The following RASGRP3 variants were observed in gnomAD, a reference collection of about 807,000 sequenced individuals.
RASGRP3 encodes RAS guanyl releasing protein 3, also known as ras guanyl-releasing protein 3.
Under a neutral mutation model 82.7 loss-of-function variants are expected in RASGRP3, and 54 were observed. That is an observed-to-expected ratio of 0.65 (90% CI 0.52 to 0.82). The LOEUF is 0.82. Among genes scored for constraint, RASGRP3 ranks in the 40% least tolerant of loss-of-function variants. The pLI is 0.00. For missense variants in RASGRP3, 861 were observed against 828.9 expected (o/e 1.04, Z -0.48); for synonymous variants, 309 against 300.5 (o/e 1.03, Z -0.29).
Position 33,499,763 on chromosome 2 carries a change from CA to C in RASGRP3, c.-260-11936del, listed in dbSNP as rs34878885. ...ACATGCCCCATTAAAATATCAAATCCAAAAAAAAAAAGAGAGGATAAGATTA... is the reference window on the plus strand; with the variant it reads ...ACATGCCCCATTAAAATATCAAATCCAAAAAAAAAAGAGAGGATAAGATTA... On this transcript the variant is annotated intron_variant, in intron 1 of 17. Coordinates refer to ENST00000403687, the MANE Select transcript of RASGRP3 (RefSeq NM_001139488.2). 1.2e-3 allele frequency among the ~76,000 whole-genome samples: 144 copies of C among 123,776 alleles called. 1 individual carries two copies. Among genetic ancestry groups the C allele is most frequent in the South Asian group, 3.0e-3 (12 of 4,026 alleles). The allele number at this position is 123,776 out of a possible 152,430, so 81.2% of individuals were successfully genotyped here.
chr2:33,507,505 T>C (rs143516381), intron 1 of RASGRP3, among the ~76,000 whole-genome samples: 38 of 152,212 alleles, frequency 2.5e-4, no homozygotes, highest in African/African-American at 9.1e-4. Context: ...ATGTAATATT[T>C]TGGATCAAGT....
chr2:33,511,192 G>T (rs949851617), intron 1 of RASGRP3, among the ~76,000 whole-genome samples: 1 of 152,080 alleles, frequency 6.6e-6, no homozygotes, highest in African/African-American at 2.4e-5. Flanking sequence ...TTTCATGGCC[G>T]CCAGAGAGTA....
At chr2:33,482,291 G>C (rs940605753) in intron 1 of RASGRP3, 1 of 152,374 alleles carries the variant, frequency 6.6e-6, no homozygotes, top group African/African-American at 2.4e-5. Context: ...TTGGATTAGA[G>C]GCGTGAGCCA....
chr2:33,516,530 T>C lies in RASGRP3; in HGVS notation c.71-12T>C, dbSNP rs150555166. 2.2e-3 allele frequency: 3,324 copies of C among 1,511,464 alleles called. 4 individuals carry two copies. Among genetic ancestry groups the C allele is most frequent in the Non-Finnish European group, 2.7e-3 (2,918 of 1,099,764 alleles). 93.6% of individuals were successfully genotyped at this position (1,511,464 alleles called of 1,614,324 possible). On this transcript the variant is annotated splice_polypyrimidine_tract_variant and intron_variant, in intron 3 of 17. Coordinates refer to ENST00000403687, the MANE Select transcript of RASGRP3 (RefSeq NM_001139488.2). The stretch of plus-strand genomic sequence containing the variant: ...TATTATCTCCTCACTTCTTGTTTTA[T>C]TTTTCTAACAGATGACAATGGAGAG...
At chr2:33,545,245 TC>T (rs1211314441) in intron 13 of RASGRP3, among the ~76,000 whole-genome samples, 2 of 152,258 alleles carry the variant, frequency 1.3e-5, no homozygotes, top group Non-Finnish European at 2.9e-5. Context: ...TTTGGACTAT[TC>T]ATATCTTGCT....
intron 2 of RASGRP3, among the ~76,000 whole-genome samples, chr2:33,467,169 AG>A (rs1666745394): frequency 6.6e-6 from 1 of 152,134 alleles, no homozygotes; most frequent in African/African-American, 2.4e-5. Context: ...GAGAGATTTC[AG>A]GTACTTTGAT....
In RASGRP3 at chr2:33,519,417, C is replaced by A. The variant is rs568773616; in HGVS notation, c.174-535C>A. Among the ~76,000 whole-genome samples the A allele has an allele frequency of 3.3e-5, 5 of 152,256 alleles. 1 individual carries two copies. The South Asian group carries it at 8.3e-4, about 25-fold the overall frequency. On this transcript the variant is annotated intron_variant, in intron 4 of 17. Transcript: ENST00000403687. ...GGATCACAAGGTCAGGAGATCAAGA[C>A]CATCCTGGCTAACACGGCGAAACCC...
upstream of RASGRP3, among the ~76,000 whole-genome samples, chr2:33,474,232 G>A (rs1418693224): frequency 6.6e-6 from 1 of 152,152 alleles, no homozygotes; most frequent in African/African-American, 2.4e-5. Context: ...CAGTGTTGGA[G>A]GTGGAGCCTG....
intron 1 of RASGRP3, among the ~76,000 whole-genome samples, chr2:33,486,128 A>G (rs1262248416): frequency 6.6e-6 from 1 of 150,642 alleles, no homozygotes; most frequent in South Asian, 2.1e-4. Context: ...TTCACTTGGT[A>G]TTTCTTTTCT....
chr2:33,468,602 A>G (rs1314819871), intron 2 of RASGRP3, among the ~76,000 whole-genome samples: 1 of 152,088 alleles, frequency 6.6e-6, no homozygotes, highest in Non-Finnish European at 1.5e-5. Flanking sequence ...GGGTTTCACC[A>G]TGTGGGCCAG....
At chr2:33,453,867 A>G (rs1210931747) in intron 2 of RASGRP3, among the ~76,000 whole-genome samples, 2 of 152,342 alleles carry the variant, frequency 1.3e-5, no homozygotes, top group East Asian at 3.9e-4. Flanking sequence ...ATGATTTTTG[A>G]AATTACACAC....
intron 11 of RASGRP3, among the ~76,000 whole-genome samples, chr2:33,534,658 A>C (rs548766031): frequency 6.7e-6 from 1 of 149,262 alleles, no homozygotes; most frequent in South Asian, 2.1e-4. Flanking sequence ...CCTCCCAAGT[A>C]GCTAGAATTA....
chr2:33,556,928 C>CACACACATACAT (rs1553366467), intron 15 of RASGRP3, among the ~76,000 whole-genome samples: 17,118 of 148,222 alleles, frequency 0.12, 1,026 homozygotes, highest in Admixed American at 0.14. Flanking sequence ...CACACACACA[C>CACACACATACAT]GCAATTTTAT....
intron 1 of RASGRP3, among the ~76,000 whole-genome samples, chr2:33,507,288 G>C (rs1422228086): frequency 6.6e-6 from 1 of 152,080 alleles, no homozygotes; most frequent in Non-Finnish European, 1.5e-5. Context: ...CCAGGTACTC[G>C]GAAGGCTGAG....
intron 14 of RASGRP3, among the ~76,000 whole-genome samples, chr2:33,554,783 C>A (rs568814658): frequency 6.6e-6 from 1 of 152,102 alleles, no homozygotes; most frequent in Admixed American, 6.6e-5. Context: ...AGGCCCTCTT[C>A]TTTATGGTGT....
At chr2:33,525,518 GT>G (rs1672457327) in intron 9 of RASGRP3, among the ~76,000 whole-genome samples, 2 of 151,668 alleles carry the variant, frequency 1.3e-5, no homozygotes. Context: ...ACTTTTAGCT[GT>G]GAGTTTAAAA....
chr2:33,468,014 T>G (rs1311852492), intron 2 of RASGRP3, among the ~76,000 whole-genome samples: 1 of 134,880 alleles, frequency 7.4e-6, no homozygotes, highest in African/African-American at 3.8e-5. Flanking sequence ...CTTTCTTTCT[T>G]TCTTTCTTTC....
upstream of RASGRP3, among the ~76,000 whole-genome samples, chr2:33,471,929 A>G (rs1170450268): frequency 6.6e-6 from 1 of 151,962 alleles, no homozygotes; most frequent in East Asian, 1.9e-4. Context: ...AAGTTTCCCC[A>G]AGAGCGTGGG....
intron 2 of RASGRP3, among the ~76,000 whole-genome samples, chr2:33,456,166 T>C (rs1238478385): frequency 6.6e-6 from 1 of 152,104 alleles, no homozygotes; most frequent in Non-Finnish European, 1.5e-5. Context: ...AGAAGTTGAG[T>C]TGGGGAGAGG....
Sources: allele counts gnomAD v4.1 joint callset (sites outside exome capture counted in the v4.1 genomes callset), GRCh38; gene constraint gnomAD v4.1.1; transcripts MANE v1.5; gene names NCBI Gene and HGNC (gene_info 2026-07-23, HGNC 2026-07-21).